MAP7: variants seen among roughly 807,000 people sequenced by gnomAD.
MAP7 encodes the protein ensconsin.
A neutral mutation model predicts 94.8 loss-of-function variants in MAP7; 52 were observed. The observed-to-expected ratio is 0.55, with a 90% CI of 0.44 to 0.69. The LOEUF is 0.69. Ranked by LOEUF, MAP7 falls within the 30% of genes least tolerant of loss-of-function variation. The pLI is 0.00. For synonymous variants in MAP7, 350 were observed against 357.0 expected (o/e 0.98, Z 0.22); for missense variants, 940 against 964.6 (o/e 0.97, Z 0.34).
At chr6:136,362,352 A>T in intron 11 of MAP7, 98 bp downstream of exon 11, 2 of 1,434,124 alleles carry the variant, frequency 1.4e-6, no homozygotes. Context: ...TAATCCATTC[A>T]CTTTCATCAG....
chr6:136,430,308 C>A (rs1794525963), intron 1 of MAP7, among the ~76,000 whole-genome samples: 1 of 152,076 alleles, frequency 6.6e-6, no homozygotes, highest in South Asian at 2.1e-4. Context: ...ATGGCTAATG[C>A]CAGTATTTTA....
At chr6:136,537,091 A>T (rs903087418) in intron 1 of MAP7, among the ~76,000 whole-genome samples, 1 of 151,816 alleles carries the variant, frequency 6.6e-6, no homozygotes, top group Admixed American at 6.6e-5. Context: ...CTCATCACAT[A>T]TATGGTTTAG....
At chr6:136,346,947 T>G (rs1473691859) in intron 16 of MAP7, among the ~76,000 whole-genome samples, 10 of 152,218 alleles carry the variant, frequency 6.6e-5, no homozygotes, top group Non-Finnish European at 1.5e-4. Context: ...CATATGTAAA[T>G]TTTTGAAGAC....
chr6:136,501,619 CTAGT>C lies in MAP7; in HGVS notation c.67+48719_67+48722del, dbSNP rs143835640. 6.7e-3 allele frequency among the ~76,000 whole-genome samples: 1,021 copies of C among 152,206 alleles called. 12 individuals carry two copies. Among genetic ancestry groups the C allele is most frequent in the African/African-American group, 0.023 (975 of 41,552 alleles). The stretch of plus-strand genomic sequence containing the variant: ...AATCTTATTTATCATTTATTTTACC[CTAGT>C]TATTTATCCAATTTTTATGCCCAGA... On this transcript the variant is annotated intron_variant, in intron 1 of 17. Transcript: ENST00000354570.
chr6:136,360,772 T>C lies in MAP7; in HGVS notation c.1728A>G (p.Glu576=). The stretch of plus-strand genomic sequence containing the variant: ...GTTCCTGCCGGACCCTCTCTGCTTC[T>C]TCACGAACGCGAGCTTCTTCTTCTT... ...RQKEEEARVR[E]EAERVRQERE... Residue 576 remains glutamate (E), a synonymous_variant, in exon 13 of 18, where the codon GAA becomes GAG. Transcript: ENST00000354570. The C allele has an allele frequency of 6.2e-7, 1 of 1,614,010 alleles. No homozygotes were observed. Among genetic ancestry groups the C allele is most frequent in the Non-Finnish European group, 8.5e-7 (1 of 1,180,032 alleles).
intron 1 of MAP7, among the ~76,000 whole-genome samples, chr6:136,519,738 G>C (rs1298928093): frequency 6.6e-6 from 1 of 152,142 alleles, no homozygotes; most frequent in Non-Finnish European, 1.5e-5. Flanking sequence ...ACTGTGTCCC[G>C]ATCTCAAGGA....
chr6:136,518,514 T>A (rs1825518150), intron 1 of MAP7, among the ~76,000 whole-genome samples: 1 of 152,198 alleles, frequency 6.6e-6, no homozygotes, highest in Non-Finnish European at 1.5e-5. Context: ...TAATGGGGTA[T>A]GACTTATCTT....
intron 2 of MAP7, among the ~76,000 whole-genome samples, chr6:136,418,276 C>T (rs59365362): frequency 0.01 from 1,573 of 152,234 alleles, 21 homozygotes; most frequent in East Asian, 0.04. Context: ...AGTATAGTGG[C>T]GGATCTCGGC....
At chr6:136,385,232 G>T (rs1778881150) in intron 5 of MAP7, among the ~76,000 whole-genome samples, 2 of 150,938 alleles carry the variant, frequency 1.3e-5, no homozygotes, top group Non-Finnish European at 2.9e-5. Flanking sequence ...TCTATCTTCA[G>T]CTGGGATTCA....
chr6:136,486,331 G>C (rs1210232310), intron 1 of MAP7, among the ~76,000 whole-genome samples: 1 of 152,174 alleles, frequency 6.6e-6, no homozygotes, highest in Non-Finnish European at 1.5e-5. Context: ...GCAAGAACAG[G>C]ACAGAAGGCT....
At chr6:136,382,048 T>C (rs1014118497) in intron 6 of MAP7, among the ~76,000 whole-genome samples, 1 of 152,046 alleles carries the variant, frequency 6.6e-6, no homozygotes, top group Admixed American at 6.6e-5. Flanking sequence ...AATTAGCCTG[T>C]AGGACATTAA....
At position 136,489,738 on chromosome 6, in the gene MAP7, G is replaced by A. The variant is rs759622682; in HGVS notation, c.67+60604C>T. On this transcript the variant is annotated intron_variant, in intron 1 of 17. Transcript: ENST00000354570. Reference sequence around the variant, plus strand: ...GAGACAGGGTTTCACCATGTTGGCCGGGCTGGTCTTGAACTCCTGACCCCA... The same window carrying A: ...GAGACAGGGTTTCACCATGTTGGCCAGGCTGGTCTTGAACTCCTGACCCCA... 4.2e-4 allele frequency among the ~76,000 whole-genome samples: 64 copies of A among 151,742 alleles called. No homozygotes were observed. In the Middle Eastern group the frequency reaches 0.014, roughly 32 times the overall value.
At chr6:136,467,389 C>T (rs1402063613) in intron 1 of MAP7, among the ~76,000 whole-genome samples, 1 of 152,162 alleles carries the variant, frequency 6.6e-6, no homozygotes, top group African/African-American at 2.4e-5. Context: ...CTGCTGAGAA[C>T]AGACATGGAG....
chr6:136,354,796 T>A (rs1030482190), intron 16 of MAP7, among the ~76,000 whole-genome samples: 4 of 152,234 alleles, frequency 2.6e-5, no homozygotes, highest in Admixed American at 6.5e-5. Context: ...AATTTTATTA[T>A]CTGTATCAAA....
chr6:136,522,383 G>T (rs533594743), intron 1 of MAP7, among the ~76,000 whole-genome samples: 5 of 151,928 alleles, frequency 3.3e-5, no homozygotes, highest in Non-Finnish European at 7.4e-5. Context: ...ACAAACTATT[G>T]TCACCCCACC....
chr6:136,350,928 G>A lies in MAP7; in HGVS notation c.2016-4849C>T, dbSNP rs543710175. Among the ~76,000 whole-genome samples, 5 of 152,258 alleles carry A rather than the reference G, an allele frequency of 3.3e-5. No homozygotes were observed. In the South Asian group the frequency reaches 1.0e-3, roughly 32 times the overall value. ...TTCTCTAGATGGAAGAGTTTAAGTG[G>A]CAGAGAGCCCCAGGGATCAGTGCTA... On this transcript the variant is annotated intron_variant, in intron 16 of 17. Coordinates refer to ENST00000354570, the MANE Select transcript of MAP7 (RefSeq NM_003980.6).
intron 1 of MAP7, chr6:136,526,736 G>C: frequency 1.0e-6 from 1 of 952,442 alleles, no homozygotes; most frequent in Non-Finnish European, 1.3e-6. Context: ...AGGAAGAAAG[G>C]CTTTTTCTTC....
intron 1 of MAP7, among the ~76,000 whole-genome samples, chr6:136,437,343 C>A (rs1329613345): frequency 6.6e-6 from 1 of 152,072 alleles, no homozygotes; most frequent in Admixed American, 6.6e-5. Flanking sequence ...CATCCCCAAG[C>A]CCTTGGCCCA....
intron 15 of MAP7, among the ~76,000 whole-genome samples, chr6:136,358,148 T>C (rs1033974502): frequency 3.9e-5 from 6 of 152,226 alleles, no homozygotes; most frequent in Admixed American, 1.3e-4. Flanking sequence ...AACACAGCTA[T>C]GCCAAACAGC....
Sources: gnomAD v4.1 joint callset for allele counts (sites outside exome capture counted in the v4.1 genomes callset) on GRCh38, gnomAD v4.1.1 for gene constraint, MANE v1.5 for transcripts, NCBI Gene and HGNC (gene_info 2026-07-23, HGNC 2026-07-21) for gene names.